KIAA1217: variants seen among roughly 807,000 people sequenced by gnomAD.
KIAA1217 encodes KIAA1217.
KIAA1217 carries 88 observed loss-of-function variants against 163.9 expected under a neutral mutation model. The observed-to-expected ratio is 0.54, with a 90% CI of 0.45 to 0.64. The LOEUF is 0.64. Ranked by LOEUF, KIAA1217 falls within the 30% of genes least tolerant of loss-of-function variation. KIAA1217 has a pLI of 0.00. For missense variants in KIAA1217, 2,372 were observed against 2,475.0 expected (o/e 0.96, Z 0.88); for synonymous variants, 903 against 923.1 (o/e 0.98, Z 0.39).
In KIAA1217 at chr10:24,546,210, G is replaced by C; in HGVS notation, c.5718G>C (p.Leu1906=). 6.2e-7 allele frequency: 1 copy of C among 1,614,100 alleles called. No individual in the cohort carries two copies. Among genetic ancestry groups the C allele is most frequent in the Non-Finnish European group, 8.5e-7 (1 of 1,180,030 alleles). Residue 1906 remains leucine, a synonymous_variant, in exon 21 of 21, where the codon CTG becomes CTC. Transcript: ENST00000376454. ...CTTCTCCTGCCTCCTCCGTCTCACT[G>C]AATCAAGGTGCCAAGGGCACCAGGA... ...SPPSPASSVS[L]NQGAKGTRTI...
intron 2 of KIAA1217, among the ~76,000 whole-genome samples, chr10:24,280,775 A>C (rs1051068528): frequency 2.0e-5 from 3 of 149,194 alleles, no homozygotes; most frequent in Admixed American, 6.8e-5. Flanking sequence ...GCGCCACTGC[A>C]CTCCAGCCTG....
chr10:24,242,236 C>G (rs1362895331), intron 2 of KIAA1217, among the ~76,000 whole-genome samples: 1 of 151,902 alleles, frequency 6.6e-6, no homozygotes, highest in African/African-American at 2.4e-5. Flanking sequence ...GTTTTTTAAC[C>G]CACATCCCAC....
intron 2 of KIAA1217, among the ~76,000 whole-genome samples, chr10:24,029,361 A>G (rs1197984525): frequency 6.6e-6 from 1 of 152,174 alleles, no homozygotes; most frequent in Non-Finnish European, 1.5e-5. Context: ...TATGAGAGGT[A>G]TAGACTATTC....
At chr10:23,700,827 G>T (rs1202839206) in intron 1 of KIAA1217, among the ~76,000 whole-genome samples, 1 of 151,934 alleles carries the variant, frequency 6.6e-6, no homozygotes, top group Non-Finnish European at 1.5e-5. Context: ...TTCCCTTTTA[G>T]CTCTTTGGCT....
At chr10:24,398,014 C>A (rs1013862526) in intron 3 of KIAA1217, among the ~76,000 whole-genome samples, 27 of 152,090 alleles carry the variant, frequency 1.8e-4, no homozygotes, top group African/African-American at 6.5e-4. Flanking sequence ...TACAGTTGAC[C>A]CTTGAACAAC....
chr10:24,048,428 C>T (rs1048137192), intron 2 of KIAA1217, among the ~76,000 whole-genome samples: 1 of 152,188 alleles, frequency 6.6e-6, no homozygotes, highest in Non-Finnish European at 1.5e-5. Context: ...CTTGACTAAT[C>T]TTATTTAAAA....
chr10:23,748,998 G>A (rs143576555), intron 1 of KIAA1217, among the ~76,000 whole-genome samples: 96 of 152,194 alleles, frequency 6.3e-4, no homozygotes, highest in African/African-American at 8.7e-4. Context: ...CCCTGGCTTC[G>A]TCCTAGAGCT....
intron 1 of KIAA1217, among the ~76,000 whole-genome samples, chr10:23,947,954 T>A (rs1027855000): frequency 6.6e-6 from 1 of 152,216 alleles, no homozygotes; most frequent in African/African-American, 2.4e-5. Flanking sequence ...CCTTCCAATA[T>A]TGGTCATTTA....
chr10:24,200,763 T>G (rs935557865), intron 2 of KIAA1217, among the ~76,000 whole-genome samples: 3 of 152,132 alleles, frequency 2.0e-5, no homozygotes, highest in Non-Finnish European at 4.4e-5. Context: ...CTGAGCCTAC[T>G]GATTGCACCA....
chr10:24,495,301 T>C, intron 8 of KIAA1217, 105 bp downstream of exon 8: 1 of 893,418 alleles, frequency 1.1e-6, no homozygotes, highest in South Asian at 1.6e-5. Context: ...GTATTTGGTA[T>C]GATGTCAGGG....
Position 23,952,320 on chromosome 10 carries a change from A to G in KIAA1217, c.-320-54905A>G, listed in dbSNP as rs879552591. ...TTTATTTTGCATTTCTGGGATAACC[A>G]TTGCTTCCCGTGTTCTGGACTTTGC... On this transcript the variant is annotated intron_variant, in intron 1 of 18. Coordinates refer to the KIAA1217 transcript ENST00000376462. Among the ~76,000 whole-genome samples, 8 of 152,218 alleles carry G rather than the reference A, an allele frequency of 5.3e-5. No homozygotes were observed. The South Asian group carries it at 8.3e-4, about 16-fold the overall frequency.
chr10:24,344,551 A>G (rs1461168402), intron 2 of KIAA1217, among the ~76,000 whole-genome samples: 1 of 152,230 alleles, frequency 6.6e-6, no homozygotes, highest in Non-Finnish European at 1.5e-5. Flanking sequence ...GTGGAAACCT[A>G]AAGCCTTCCA....
At chr10:24,461,103 C>T (rs572859776) in intron 5 of KIAA1217, among the ~76,000 whole-genome samples, 109 of 152,252 alleles carry the variant, frequency 7.2e-4, no homozygotes, top group Admixed American at 1.5e-3. Context: ...TTTTCTCTCA[C>T]GGGCTCTGAA....
At chr10:23,735,166 G>T (rs1304108174) in intron 1 of KIAA1217, among the ~76,000 whole-genome samples, 2 of 152,118 alleles carry the variant, frequency 1.3e-5, no homozygotes, top group African/African-American at 4.8e-5. Flanking sequence ...CCTGGGAATA[G>T]AATTACTAGG....
chr10:24,131,395 G>C (rs1177607537), intron 2 of KIAA1217, among the ~76,000 whole-genome samples: 4 of 152,162 alleles, frequency 2.6e-5, no homozygotes, highest in Non-Finnish European at 4.4e-5. Flanking sequence ...AATCTGAAAA[G>C]AATGTCAGAA....
At chr10:24,339,128 C>A (rs1023119787) in intron 2 of KIAA1217, among the ~76,000 whole-genome samples, 8 of 152,132 alleles carry the variant, frequency 5.3e-5, no homozygotes, top group Non-Finnish European at 1.2e-4. Context: ...CATAGTAGCT[C>A]CCCCAAAAAT....
intron 6 of KIAA1217, 88 bp from the exon 7 acceptor site, chr10:24,494,412 C>A (rs891160471): frequency 1.4e-5 from 15 of 1,105,244 alleles, no homozygotes; most frequent in Non-Finnish European, 4.1e-6. Flanking sequence ...TAGGTGGTAC[C>A]TTTTATAACC....
chr10:24,321,493 A>G (rs568541196), intron 2 of KIAA1217, among the ~76,000 whole-genome samples: 6 of 152,274 alleles, frequency 3.9e-5, no homozygotes, highest in African/African-American at 1.4e-4. Flanking sequence ...AGATCGCGCC[A>G]CTGCACTCCA....
chr10:23,977,786 A>G (rs1845599862), intron 1 of KIAA1217, among the ~76,000 whole-genome samples: 1 of 152,178 alleles, frequency 6.6e-6, no homozygotes, highest in African/African-American at 2.4e-5. Flanking sequence ...AAGTTAATGC[A>G]GATGCCAGGT....
Sources: allele counts gnomAD v4.1 joint callset (sites outside exome capture counted in the v4.1 genomes callset), GRCh38; gene constraint gnomAD v4.1.1; transcripts MANE v1.5; gene names NCBI Gene and HGNC (gene_info 2026-07-23, HGNC 2026-07-21).